The following CAMTA1 variants were observed in gnomAD, a reference collection of about 807,000 sequenced individuals.
CAMTA1 encodes calmodulin binding transcription activator 1.
A neutral mutation model predicts 170.9 loss-of-function variants in CAMTA1; 27 were observed. That is an observed-to-expected ratio of 0.16 (90% CI 0.12 to 0.22). The LOEUF is 0.22. Ranked by LOEUF, CAMTA1 falls within the 10% of genes least tolerant of loss-of-function variation. The probability of loss-of-function intolerance (pLI) is 1.00; values close to 1 mark genes in which losing one functional copy is unlikely to be tolerated. For synonymous variants in CAMTA1, 833 were observed against 891.5 expected (o/e 0.93, Z 1.17); for missense variants, 1,619 against 2,217.2 (o/e 0.73, Z 5.42).
At chr1:7,381,621 G>T (rs1368413170) in intron 5 of CAMTA1, among the ~76,000 whole-genome samples, 2 of 151,546 alleles carry the variant, frequency 1.3e-5, no homozygotes, top group Non-Finnish European at 2.9e-5. Context: ...ACACATGTGT[G>T]CATGTGTCTT....
At chr1:7,225,426 C>A (rs1268209973) in intron 4 of CAMTA1, among the ~76,000 whole-genome samples, 1 of 152,302 alleles carries the variant, frequency 6.6e-6, no homozygotes, top group African/African-American at 2.4e-5. Context: ...TACTGTCACC[C>A]TTTCCCTCCC....
At position 7,679,108 on chromosome 1, in the gene CAMTA1, G is replaced by A. The variant is rs146765061; in HGVS notation, c.2914+1375G>A. ...CTTGGCAGCATCTCTGGCTGAGGCCGGAGCCAGGCAGAGCTGTGATGACCA... is the reference window on the plus strand; with the variant it reads ...CTTGGCAGCATCTCTGGCTGAGGCCAGAGCCAGGCAGAGCTGTGATGACCA... On this transcript the variant is annotated intron_variant, in intron 11 of 22. Transcript: ENST00000303635. Among the ~76,000 whole-genome samples the A allele has an allele frequency of 3.8e-3, 576 of 152,352 alleles. 5 individuals carry two copies. The highest frequency in any genetic ancestry group is 0.013 in the African/African-American group (542 of 41,576).
chr1:7,668,433 CCA>C (rs1282164354), intron 9 of CAMTA1, among the ~76,000 whole-genome samples: 1 of 114,808 alleles, frequency 8.7e-6, no homozygotes, highest in African/African-American at 3.5e-5. Context: ...ACACACACAC[CCA>C]CCACACACCC....
intron 3 of CAMTA1, chr1:6,888,235 T>C: frequency 1.0e-6 from 1 of 986,152 alleles, no homozygotes; most frequent in Non-Finnish European, 1.2e-6. Flanking sequence ...CCTTTCTGAA[T>C]GTTTTTCCTT....
rs1010325929 is a variant in CAMTA1 at position 7,293,719 on chromosome 1, G to T, written c.438+44093G>T. On this transcript the variant is annotated intron_variant, in intron 5 of 22. Coordinates refer to ENST00000303635, the MANE Select transcript of CAMTA1 (RefSeq NM_015215.4). The surrounding 1 kb of genome is among the most constrained non-coding windows in gnomAD (Gnocchi z 4.1). ...TAAACATGAATTATCCCAGCTTAAT[G>T]CTTCAAGTTATTGGGGTTCCCCTGG... Among the ~76,000 whole-genome samples the T allele has an allele frequency of 1.3e-5, 2 of 152,160 alleles. No homozygotes were observed. The highest frequency in any genetic ancestry group is 2.9e-5 in the Non-Finnish European group (2 of 68,034).
chr1:7,093,791 G>A lies in CAMTA1; in HGVS notation c.302+2420G>A, dbSNP rs1010808. On this transcript the variant is annotated intron_variant, in intron 4 of 22. Transcript: ENST00000303635. The surrounding 1 kb of genome is among the most constrained non-coding windows in gnomAD (Gnocchi z 4.6). ...GAAGGTGGGTTTCAGATGTGGTCAA[G>A]TCCGGGTTTGAGTCCTGGCTCCGTC... is the stretch of plus-strand genomic sequence containing the variant. Among the ~76,000 whole-genome samples the A allele has an allele frequency of 0.88, 133,992 of 152,208 alleles. 59,345 individuals carry two copies. The highest frequency in any genetic ancestry group is 0.97 in the African/African-American group (40,432 of 41,550).
At chr1:7,318,939 A>T (rs1262836996) in intron 5 of CAMTA1, among the ~76,000 whole-genome samples, 1 of 152,200 alleles carries the variant, frequency 6.6e-6, no homozygotes, top group Admixed American at 6.5e-5. Context: ...GGCAGCACGA[A>T]ATCGTGTGTG....
At position 7,482,425 on chromosome 1, in the gene CAMTA1, C is replaced by T. The variant is rs558475480; in HGVS notation, c.510+14524C>T. Among the ~76,000 whole-genome samples, 6 of 152,310 alleles carry T rather than the reference C, an allele frequency of 3.9e-5. No individual in the cohort carries two copies. Among genetic ancestry groups the T allele is most frequent in the East Asian group, 1.9e-4 (1 of 5,176 alleles). On this transcript the variant is annotated intron_variant, in intron 6 of 22. Transcript: ENST00000303635. This position sits in a 1 kb window ranked among gnomAD's most constrained non-coding sequence, Gnocchi z 4.2. ...TGCCCCTAGGTCCAGCTGTGCCCCA[C>T]GAGCACAAGCGTCAGCACTCGGTAA... is the stretch of plus-strand genomic sequence containing the variant.
chr1:7,702,493 G>C (rs981476539), intron 11 of CAMTA1, among the ~76,000 whole-genome samples: 1 of 152,148 alleles, frequency 6.6e-6, no homozygotes, highest in Admixed American at 6.5e-5. Context: ...GGCAGGCGCT[G>C]TCTCTCCTGT....
intron 6 of CAMTA1, among the ~76,000 whole-genome samples, chr1:7,578,565 C>A (rs1261219671): frequency 1.3e-5 from 2 of 152,224 alleles, no homozygotes; most frequent in Non-Finnish European, 2.9e-5. Context: ...GCTCCCATAT[C>A]CGTGGCAATG....
chr1:7,181,660 T>C (rs1192206787), intron 4 of CAMTA1, among the ~76,000 whole-genome samples: 4 of 152,184 alleles, frequency 2.6e-5, no homozygotes, highest in African/African-American at 9.6e-5. Context: ...TAGAAAGATA[T>C]GGGCAAAGCC....
Position 7,768,357 on chromosome 1 carries a change from C to A in CAMTA1, c.*1866C>A, listed in dbSNP as rs3813809. The stretch of plus-strand genomic sequence containing the variant: ...AATGTTAAATTGAGAGAATAAAGTT[C>A]GTATTTGCTGATGCCAGTTTAAAAT... On this transcript the variant is annotated 3_prime_UTR_variant, in exon 23 of 23. Transcript: ENST00000303635. 0.04 allele frequency: 6,044 copies of A among 152,700 alleles called. 575 individuals are homozygous for A. The highest frequency in any genetic ancestry group is 0.26 in the East Asian group (1,386 of 5,306). The allele number at this position is 152,700 out of a possible 1,614,324, so 9.5% of individuals were successfully genotyped here. A position where few individuals can be genotyped will look rare whatever the true frequency, so the allele number is the denominator to read the frequency against.
At chr1:6,854,348 A>G (rs753479187) in intron 3 of CAMTA1, among the ~76,000 whole-genome samples, 2 of 152,206 alleles carry the variant, frequency 1.3e-5, no homozygotes, top group Non-Finnish European at 2.9e-5. Context: ...GATATACCAT[A>G]TGGCTTAGGA....
chr1:7,342,993 G>A (rs1476779289), intron 5 of CAMTA1, among the ~76,000 whole-genome samples: 2 of 152,206 alleles, frequency 1.3e-5, no homozygotes, highest in African/African-American at 4.8e-5. Context: ...GTCCTACAGA[G>A]CATCACACAG....
At chr1:6,837,757 TTG>T (rs1653865617) in intron 3 of CAMTA1, among the ~76,000 whole-genome samples, 2 of 152,234 alleles carry the variant, frequency 1.3e-5, no homozygotes, top group African/African-American at 4.8e-5. Flanking sequence ...AGAAGCATTT[TTG>T]TTAAATGCTT....
At chr1:7,754,595 G>A (rs915530167) in intron 21 of CAMTA1, among the ~76,000 whole-genome samples, 13 of 152,192 alleles carry the variant, frequency 8.5e-5, no homozygotes, top group African/African-American at 2.7e-4. Context: ...CTGTAAACTG[G>A]TAGAGGAAAA....
intron 3 of CAMTA1, among the ~76,000 whole-genome samples, chr1:6,966,368 G>A (rs942721467): frequency 6.6e-6 from 1 of 151,178 alleles, no homozygotes; most frequent in Non-Finnish European, 1.5e-5. Flanking sequence ...AGCCCTAAAC[G>A]ACCATACATC....
Position 6,992,465 on chromosome 1 carries a change from C to A in CAMTA1, c.235-98839C>A, listed in dbSNP as rs77988578. ...TTGTGAAGATATTCTCCTATGTTTT[C>A]TTCTAGAAGCCTTATAATGCTAGCT... On this transcript the variant is annotated intron_variant, in intron 3 of 22. Coordinates refer to ENST00000303635, the MANE Select transcript of CAMTA1 (RefSeq NM_015215.4). 3.9e-5 allele frequency among the ~76,000 whole-genome samples: 6 copies of A among 152,320 alleles called. No homozygotes were observed. In the South Asian group the frequency reaches 1.2e-3, roughly 32 times the overall value.
At chr1:7,399,590 T>A (rs76935692) in intron 5 of CAMTA1, among the ~76,000 whole-genome samples, 4,653 of 152,292 alleles carry the variant, frequency 0.031, 163 homozygotes, top group African/African-American at 0.082. Context: ...CTTTCATATG[T>A]TTCACAATAG....
Sources: allele counts gnomAD v4.1 joint callset (sites outside exome capture counted in the v4.1 genomes callset), GRCh38; gene constraint gnomAD v4.1.1; non-coding constraint Gnocchi (gnomAD v3.1); transcripts MANE v1.5; gene names NCBI Gene and HGNC (gene_info 2026-07-23, HGNC 2026-07-21).